Variants in COL25A1 observed in about 807,000 individuals in gnomAD.
The protein encoded by COL25A1 is collagen type XXV alpha 1 chain, also known as collagen alpha-1(XXV) chain.
A neutral mutation model predicts 128.4 loss-of-function variants in COL25A1; 103 were observed. The ratio of observed to expected loss-of-function variants is 0.80; its 90% CI spans 0.68 to 0.94. The LOEUF is 0.94. COL25A1 is among the 40% of genes least tolerant of loss of function. COL25A1 has a pLI of 0.00. For missense variants in COL25A1, 745 were observed against 840.0 expected, an observed-to-expected ratio of 0.89 and a Z score of 1.40; for synonymous variants, 279 against 277.2, an observed-to-expected ratio of 1.01 and a Z score of -0.06.
chr4:108,944,400 C>T (rs188440241), intron 8 of COL25A1, among the ~76,000 whole-genome samples: 7 of 152,128 alleles, frequency 4.6e-5, no homozygotes, highest in African/African-American at 1.7e-4. Context: ...GACTCATTAG[C>T]CCTATATTAC....
In COL25A1 at chr4:108,941,428, G is replaced by T; in HGVS notation, c.502C>A (p.Pro168Thr). 1 of 1,613,792 alleles carries T rather than the reference G, an allele frequency of 6.2e-7. No individual in the cohort carries two copies. Among genetic ancestry groups the T allele is most frequent in the Non-Finnish European group, 8.5e-7 (1 of 1,179,728 alleles). Residue 168 changes from proline (P) to threonine (T), a missense_variant, in exon 9 of 38, where the codon CCT becomes ACT. Around this residue, in one of 3 missense-constraint regions of COL25A1, gnomAD observed 319 missense variants for 324.9 expected, o/e 0.98. Transcript: ENST00000399132. ...QGDQGPRMVF[P>T]KINHGFLSAD... ...GAGAGAAACCCATGATTGATTTTAGGAAACACCATCTGATCAGTCAGTTGA... is the reference window on the plus strand; with the variant it reads ...GAGAGAAACCCATGATTGATTTTAGTAAACACCATCTGATCAGTCAGTTGA...
intron 15 of COL25A1, 99 bp downstream of exon 15, chr4:108,899,055 C>CCACCCATCCATTCATG (rs1742512569): frequency 2.7e-6 from 3 of 1,122,954 alleles, no homozygotes; most frequent in South Asian, 1.4e-5. Context: ...ACCCATCCAT[C>CCACCCATCCATTCATG]CACCCATCCA....
At chr4:109,021,660 T>C in intron 5 of COL25A1, 2 of 438,952 alleles carry the variant, frequency 4.6e-6, no homozygotes, top group South Asian at 1.6e-5. Context: ...AAGAGCCATA[T>C]TTTTCTTCTT....
At chr4:108,855,112 A>G (rs901682323) in intron 24 of COL25A1, among the ~76,000 whole-genome samples, 1 of 151,862 alleles carries the variant, frequency 6.6e-6, no homozygotes, top group African/African-American at 2.4e-5. Context: ...ATTACATTCA[A>G]ACTTGTAGGT....
intron 3 of COL25A1, among the ~76,000 whole-genome samples, chr4:109,299,125 G>C (rs924972537): frequency 6.6e-6 from 1 of 152,084 alleles, no homozygotes; most frequent in African/African-American, 2.4e-5. Flanking sequence ...TATTAATTAA[G>C]CACTAGCTAT....
intron 16 of COL25A1, among the ~76,000 whole-genome samples, chr4:108,891,216 A>C (rs1437191647): frequency 6.6e-6 from 1 of 152,218 alleles, no homozygotes; most frequent in Non-Finnish European, 1.5e-5. Flanking sequence ...GGGGAAAAAA[A>C]CGCTTATGAA....
At chr4:109,234,784 CTA>C (rs1779362735) in intron 3 of COL25A1, among the ~76,000 whole-genome samples, 1 of 152,076 alleles carries the variant, frequency 6.6e-6, no homozygotes, top group Non-Finnish European at 1.5e-5. Context: ...AGTTGAATCT[CTA>C]TAAGAACAGC....
chr4:109,123,770 G>C (rs1349381487), intron 3 of COL25A1, among the ~76,000 whole-genome samples: 2 of 152,106 alleles, frequency 1.3e-5, no homozygotes, highest in African/African-American at 4.8e-5. Flanking sequence ...AATGAGGTCA[G>C]ATGTTGCTGT....
chr4:109,043,448 G>A (rs1760116719), intron 5 of COL25A1, among the ~76,000 whole-genome samples: 1 of 151,976 alleles, frequency 6.6e-6, no homozygotes, highest in Non-Finnish European at 1.5e-5. Flanking sequence ...GTTAAAGGTG[G>A]ACAGGACAGA....
At chr4:109,178,412 C>G (rs1774295687) in intron 3 of COL25A1, among the ~76,000 whole-genome samples, 2 of 152,118 alleles carry the variant, frequency 1.3e-5, no homozygotes, top group African/African-American at 4.8e-5. Flanking sequence ...ACAGAAAGAG[C>G]ACTTGAACTA....
intron 5 of COL25A1, among the ~76,000 whole-genome samples, chr4:109,013,967 T>TA (rs781214908): frequency 2.6e-5 from 4 of 152,148 alleles, no homozygotes; most frequent in Non-Finnish European, 5.9e-5. Flanking sequence ...CCCTCAGCTT[T>TA]AAGCTTTTGG....
intron 3 of COL25A1, among the ~76,000 whole-genome samples, chr4:109,268,461 T>C (rs1053675001): frequency 2.6e-5 from 4 of 152,176 alleles, no homozygotes; most frequent in African/African-American, 9.7e-5. Flanking sequence ...AAGTTATCAG[T>C]TACTGTGATT....
intron 13 of COL25A1, among the ~76,000 whole-genome samples, chr4:108,915,622 A>T (rs72668367): frequency 1.3e-5 from 2 of 151,844 alleles, no homozygotes; most frequent in African/African-American, 2.4e-5. Flanking sequence ...ATAGGATAGG[A>T]TCTCACTATG....
At chr4:109,286,821 C>T (rs555086518) in intron 3 of COL25A1, among the ~76,000 whole-genome samples, 1 of 152,218 alleles carries the variant, frequency 6.6e-6, no homozygotes, top group South Asian at 2.1e-4. Flanking sequence ...TTCTCACAAC[C>T]CAAGGGAGTC....
In COL25A1 at chr4:108,901,292, T is replaced by C. The variant is rs576723283; in HGVS notation, c.781-120A>G. The C allele has an allele frequency of 1.3e-3, 911 of 712,130 alleles. 13 individuals carry two copies. In the South Asian group the frequency reaches 0.015, roughly 12 times the overall value. The allele number at this position is 712,130 out of a possible 1,614,324, so 44.1% of individuals were successfully genotyped here. Reference sequence around the variant, plus strand: ...GAAATAGATAAAGAATAAGTGACTATTAGTTTAAATTCAAGTTAGCTTCCA... The same window carrying C: ...GAAATAGATAAAGAATAAGTGACTACTAGTTTAAATTCAAGTTAGCTTCCA... On this transcript the variant is annotated intron_variant, in intron 13 of 37. Coordinates refer to ENST00000399132, the MANE Select transcript of COL25A1 (RefSeq NM_198721.4).
chr4:109,150,908 A>C (rs1179905376), intron 3 of COL25A1, among the ~76,000 whole-genome samples: 1 of 152,128 alleles, frequency 6.6e-6, no homozygotes, highest in Non-Finnish European at 1.5e-5. Context: ...AGTATTTCCA[A>C]ACTAATTAAG....
intron 3 of COL25A1, among the ~76,000 whole-genome samples, chr4:109,089,072 A>T (rs1165026235): frequency 2.6e-5 from 4 of 152,202 alleles, no homozygotes; most frequent in African/African-American, 4.8e-5. Context: ...CAGCACCTGA[A>T]GAGGAGGGCT....
At chr4:109,246,577 T>TA (rs1196752268) in intron 3 of COL25A1, among the ~76,000 whole-genome samples, 1 of 152,140 alleles carries the variant, frequency 6.6e-6, no homozygotes, top group Non-Finnish European at 1.5e-5. Flanking sequence ...TCTATAAATT[T>TA]AAAAAAATCT....
At chr4:108,856,338 A>G (rs959512278) in intron 24 of COL25A1, among the ~76,000 whole-genome samples, 3 of 152,196 alleles carry the variant, frequency 2.0e-5, no homozygotes, top group African/African-American at 7.2e-5. Flanking sequence ...TCTTCAATAG[A>G]GGCAACAGTA....
Sources: gnomAD v4.1 joint callset for allele counts (sites outside exome capture counted in the v4.1 genomes callset) on GRCh38, gnomAD v4.1.1 for gene constraint, gnomAD v4.1.1 regional missense constraint, MANE v1.5 for transcripts, NCBI Gene and HGNC (gene_info 2026-07-23, HGNC 2026-07-21) for gene names.